The following SLC2A9 variants were observed in gnomAD, a reference collection of about 807,000 sequenced individuals.
SLC2A9 encodes the protein solute carrier family 2 member 9.
Under a neutral mutation model 50.6 loss-of-function variants are expected in SLC2A9, and 39 were observed. The observed-to-expected ratio is 0.77, with a 90% CI of 0.60 to 1.01. SLC2A9 has a LOEUF of 1.01. Ranked by LOEUF, SLC2A9 falls within the 50% of genes least tolerant of loss-of-function variation. The probability of loss-of-function intolerance (pLI) is 0.00; values close to 1 mark genes in which losing one functional copy is unlikely to be tolerated. For missense variants in SLC2A9, 686 were observed against 677.6 expected, an observed-to-expected ratio of 1.01 and a Z score of -0.14; for synonymous variants, 324 against 276.9, an observed-to-expected ratio of 1.17 and a Z score of -1.69.
chr4:9,802,992 A>C (rs1364850313), intron 3 of SLC2A9, among the ~76,000 whole-genome samples: 1 of 152,212 alleles, frequency 6.6e-6, no homozygotes, highest in Non-Finnish European at 1.5e-5. Context: ...GCAGGAATTC[A>C]CTTCACACCC....
In SLC2A9 at chr4:9,996,690, G is replaced by GC. The variant is rs1758731985; in HGVS notation, c.410+90_410+91insG. On this transcript the variant is annotated intron_variant, in intron 3 of 11. Coordinates refer to ENST00000264784, the MANE Select transcript of SLC2A9 (RefSeq NM_020041.3). ...ATCTCTCCAGTTGAACTGCCTGAGT[G>GC]GAGTTCTGTTGCCTGTCAGGACCCT... 3.3e-5 allele frequency: 49 copies of GC among 1,473,986 alleles called. No homozygotes were observed. The Admixed American group carries it at 7.3e-4, about 22-fold the overall frequency. The allele number at this position is 1,473,986 out of a possible 1,614,324, so 91.3% of individuals were successfully genotyped here.
At chr4:9,827,429 AC>A (rs1725326562) in intron 11 of SLC2A9, among the ~76,000 whole-genome samples, 1 of 152,248 alleles carries the variant, frequency 6.6e-6, no homozygotes, top group Non-Finnish European at 1.5e-5. Flanking sequence ...ATTATATGCA[AC>A]AAACATCTAC....
chr4:9,898,401 T>G (rs367746802), intron 8 of SLC2A9, among the ~76,000 whole-genome samples: 2 of 152,260 alleles, frequency 1.3e-5, no homozygotes, highest in African/African-American at 4.8e-5. Flanking sequence ...CGTCCAAATT[T>G]GATGTAATGT....
At chr4:9,798,205 G>C (rs1292652166), downstream of SLC2A9, among the ~76,000 whole-genome samples, 1 of 152,174 alleles carries the variant, frequency 6.6e-6, no homozygotes, top group African/African-American at 2.4e-5. Flanking sequence ...GTAAACACTG[G>C]TGATGGAATG....
intron 1 of SLC2A9, among the ~76,000 whole-genome samples, chr4:10,033,696 G>A (rs985999115): frequency 2.6e-5 from 4 of 152,114 alleles, no homozygotes; most frequent in Non-Finnish European, 5.9e-5. Flanking sequence ...CTCTGCACTC[G>A]CCTGCTTACC....
At chr4:9,940,141 A>G (rs576662852) in intron 6 of SLC2A9, among the ~76,000 whole-genome samples, 2 of 152,226 alleles carry the variant, frequency 1.3e-5, no homozygotes, top group Non-Finnish European at 2.9e-5. Flanking sequence ...CTCCCAGGCT[A>G]GTAGAGACAG....
intron 11 of SLC2A9, 82 bp from the exon 12 acceptor site, chr4:9,826,682 A>T (rs778838095): frequency 9.6e-5 from 122 of 1,270,850 alleles, no homozygotes; most frequent in Non-Finnish European, 1.3e-4. Flanking sequence ...GATTTTTAAG[A>T]TAGCTCCACA....
chr4:10,013,692 G>A (rs992896131), intron 2 of SLC2A9, among the ~76,000 whole-genome samples: 6 of 152,292 alleles, frequency 3.9e-5, no homozygotes, highest in Admixed American at 2.0e-4. Flanking sequence ...AGCACTGAGC[G>A]TTTTTAAGGT....
chr4:9,888,850 T>C (rs1017706361), intron 9 of SLC2A9, among the ~76,000 whole-genome samples: 26 of 152,154 alleles, frequency 1.7e-4, no homozygotes, highest in African/African-American at 6.0e-4. Flanking sequence ...CCATTAGCTT[T>C]AGGGGTTGAG....
chr4:9,833,284 AGAGT>A (rs1317994048), intron 11 of SLC2A9, among the ~76,000 whole-genome samples: 2 of 152,218 alleles, frequency 1.3e-5, no homozygotes, highest in Non-Finnish European at 2.9e-5. Context: ...TTTCAGAAAT[AGAGT>A]GTTTGTTGCT....
chr4:10,027,283 A>G (rs1763786330), intron 1 of SLC2A9, among the ~76,000 whole-genome samples: 1 of 152,166 alleles, frequency 6.6e-6, no homozygotes, highest in African/African-American at 2.4e-5. Flanking sequence ...ATGTGAATGT[A>G]GGAAATGCTG....
At chr4:10,023,179 C>T (rs549884565), upstream of SLC2A9, among the ~76,000 whole-genome samples, 235 of 152,270 alleles carry the variant, frequency 1.5e-3, 3 homozygotes, top group African/African-American at 4.3e-3. Context: ...GAGAAGGATA[C>T]GGGGTGAGAG....
intron 3 of SLC2A9, chr4:9,799,284 A>ACATT (rs1490052716): frequency 8.5e-6 from 1 of 117,996 alleles, no homozygotes; most frequent in African/African-American, 2.9e-5. Flanking sequence ...TAAACAACAG[A>ACATT]CATTTATTTA....
intron 5 of SLC2A9, among the ~76,000 whole-genome samples, chr4:9,968,738 C>T (rs1490839719): frequency 6.6e-6 from 1 of 152,148 alleles, no homozygotes; most frequent in Non-Finnish European, 1.5e-5. Flanking sequence ...TGAGGTGAAC[C>T]AATCACATAG....
intron 7 of SLC2A9, among the ~76,000 whole-genome samples, chr4:9,912,204 T>C (rs922516090): frequency 1.3e-5 from 2 of 152,086 alleles, no homozygotes; most frequent in Non-Finnish European, 2.9e-5. Context: ...GACAAGTTAA[T>C]GGGTGCAGCA....
chr4:9,936,116 GC>G (rs989170438), intron 6 of SLC2A9, among the ~76,000 whole-genome samples: 1 of 152,096 alleles, frequency 6.6e-6, no homozygotes, highest in Admixed American at 6.6e-5. Flanking sequence ...GAATGTTTGT[GC>G]CCCCCAGAAG....
chr4:9,851,300 G>A (rs1052652162), intron 10 of SLC2A9, among the ~76,000 whole-genome samples: 2 of 152,196 alleles, frequency 1.3e-5, no homozygotes. Context: ...ATGAAACCCA[G>A]GAGTGCTGAG....
intron 2 of SLC2A9, among the ~76,000 whole-genome samples, chr4:10,018,524 G>C (rs560249799): frequency 7.6e-6 from 1 of 131,688 alleles, no homozygotes; most frequent in African/African-American, 2.7e-5. Context: ...CCTGGTGACA[G>C]AGTGAGACTC....
chr4:9,809,551 CA>C (rs1436260982), intron 3 of SLC2A9, among the ~76,000 whole-genome samples: 1 of 152,154 alleles, frequency 6.6e-6, no homozygotes, highest in African/African-American at 2.4e-5. Context: ...AGAGAAGAAG[CA>C]AACAACTGAG....
Sources: allele counts gnomAD v4.1 joint callset (sites outside exome capture counted in the v4.1 genomes callset), GRCh38; gene constraint gnomAD v4.1.1; transcripts MANE v1.5; gene names NCBI Gene and HGNC (gene_info 2026-07-23, HGNC 2026-07-21).